The following CATSPERH variants were observed in gnomAD, a reference collection of about 807,000 sequenced individuals.
The protein encoded by CATSPERH is catsper channel auxiliary subunit eta.
chr11:65,088,524 G>A, the CATSPERH span: 41 of 1,535,622 alleles, frequency 2.7e-5, no homozygotes, highest in African/African-American at 1.4e-4. Context: ...ACATGGCTCC[G>A]TTGAGCACTG....
At chr11:65,088,380 A>G in the CATSPERH span, 1 of 1,446,414 alleles carries the variant, frequency 6.9e-7, no homozygotes, top group Admixed American at 2.0e-5. Flanking sequence ...GGTGGAAATA[A>G]ACAACAACTT....
chr11:65,088,695 A>G, the CATSPERH span: 2 of 1,536,240 alleles, frequency 1.3e-6, no homozygotes, highest in Non-Finnish European at 1.7e-6. Context: ...GTTTTCTGTC[A>G]TCTCAGCATA....
chr11:65,089,049 T>C, the CATSPERH span: 2 of 1,533,446 alleles, frequency 1.3e-6, no homozygotes, highest in Non-Finnish European at 1.7e-6. Context: ...GCAGTGTAGA[T>C]GCAAGTCAGA....
chr11:65,088,615 C>T, the CATSPERH span: 119 of 1,533,036 alleles, frequency 7.8e-5, no homozygotes, highest in South Asian at 1.0e-3. Context: ...CAAAGCTCCC[C>T]GCTCCCTCTT....
the CATSPERH span, chr11:65,088,555 A>G: frequency 2.0e-6 from 3 of 1,526,372 alleles, no homozygotes; most frequent in South Asian, 1.2e-5. Context: ...AGAGCCCCCC[A>G]TGAGCCCCAG....
At chr11:65,088,692 G>A in the CATSPERH span, 2 of 1,536,244 alleles carry the variant, frequency 1.3e-6, no homozygotes, top group South Asian at 1.2e-5. Flanking sequence ...CTTGTTTTCT[G>A]TCATCTCAGC....
the CATSPERH span, chr11:65,088,969 A>G: frequency 6.5e-7 from 1 of 1,535,750 alleles, no homozygotes; most frequent in African/African-American, 1.4e-5. Context: ...GCATCAGCGC[A>G]GCCGTGGTGA....
the CATSPERH span, chr11:65,088,698 T>G: frequency 1.3e-6 from 2 of 1,536,242 alleles, no homozygotes; most frequent in Non-Finnish European, 1.7e-6. Flanking sequence ...TTCTGTCATC[T>G]CAGCATAGAG....
chr11:65,088,403 C>G, the CATSPERH span: 1 of 1,507,248 alleles, frequency 6.6e-7, no homozygotes, highest in South Asian at 1.2e-5. Context: ...TTAAAACACC[C>G]GAGGCAGCCT....
At chr11:65,088,588 G>A in the CATSPERH span, 3 of 1,525,988 alleles carry the variant, frequency 2.0e-6, no homozygotes, top group Non-Finnish European at 2.6e-6. Context: ...GCTACTCCTT[G>A]CCACATCTCA....
the CATSPERH span, chr11:65,088,802 C>T: frequency 1.3e-6 from 2 of 1,535,070 alleles, no homozygotes; most frequent in Non-Finnish European, 1.7e-6. Flanking sequence ...AGTGGGGTTT[C>T]CATCAGCCCC....
chr11:65,089,029 C>A, the CATSPERH span: 1 of 1,535,444 alleles, frequency 6.5e-7, no homozygotes, highest in Non-Finnish European at 8.7e-7. Context: ...CTTGCAGCCA[C>A]ATCTTGCCCG....
At chr11:65,088,442 G>A in the CATSPERH span, 14 of 1,536,040 alleles carry the variant, frequency 9.1e-6, no homozygotes, top group African/African-American at 1.4e-5. Context: ...GCCCTGTTCC[G>A]ACTCCCCAGG....
chr11:65,088,542 G>T, the CATSPERH span: 1 of 1,531,656 alleles, frequency 6.5e-7, no homozygotes, highest in Non-Finnish European at 8.7e-7. Flanking sequence ...CTGGGCGGGG[G>T]ACAGAGCCCC....
the CATSPERH span, chr11:65,088,859 A>G: frequency 6.5e-6 from 10 of 1,535,842 alleles, no homozygotes; most frequent in Non-Finnish European, 6.1e-6. Flanking sequence ...TGAGCCTACC[A>G]TCAGGACGAC....
the CATSPERH span, chr11:65,088,439 T>A: frequency 6.5e-7 from 1 of 1,536,142 alleles, no homozygotes; most frequent in Non-Finnish European, 8.7e-7. Flanking sequence ...TTAGCCCTGT[T>A]CCGACTCCCC....
the CATSPERH span, chr11:65,088,383 A>G: frequency 6.9e-7 from 1 of 1,444,614 alleles, no homozygotes; most frequent in Admixed American, 2.0e-5. Context: ...GGAAATAAAC[A>G]ACAACTTTAT....
the CATSPERH span, chr11:65,088,871 G>A: frequency 2.5e-5 from 39 of 1,535,730 alleles, no homozygotes; most frequent in South Asian, 1.2e-4. Context: ...CAGGACGACC[G>A]TGTAGTGAAA....
the CATSPERH span, chr11:65,088,689 T>A: frequency 6.5e-7 from 1 of 1,536,266 alleles, no homozygotes; most frequent in Non-Finnish European, 8.7e-7. Context: ...GTACTTGTTT[T>A]CTGTCATCTC....
Sources: allele counts gnomAD v4.1 joint callset, GRCh38; gene constraint gnomAD v4.1.1; transcripts MANE v1.5; gene names NCBI Gene and HGNC (gene_info 2026-07-23, HGNC 2026-07-21).